Variants in CENPP observed in about 807,000 individuals in gnomAD.
CENPP encodes centromere protein P.
A neutral mutation model predicts 35.6 loss-of-function variants in CENPP; 24 were observed. The ratio of observed to expected loss-of-function variants is 0.67; its 90% CI spans 0.49 to 0.95. The LOEUF (loss-of-function observed/expected upper bound fraction) is 0.95. Ranked by LOEUF, CENPP falls within the 40% of genes least tolerant of loss-of-function variation. CENPP has a pLI of 0.00. For synonymous variants in CENPP, 120 were observed against 125.5 expected (o/e 0.96, Z 0.29); for missense variants, 332 against 345.3 (o/e 0.96, Z 0.31).
chr9:92,582,844 G>A (rs865877320), intron 5 of CENPP, among the ~76,000 whole-genome samples: 1 of 152,026 alleles, frequency 6.6e-6, no homozygotes, highest in Non-Finnish European at 1.5e-5. Flanking sequence ...GACTCCCTAG[G>A]GCCTGGGAAG....
chr9:92,414,523 ATTAG>A (rs1315265244), intron 5 of CENPP: 2 of 209,666 alleles, frequency 9.5e-6, no homozygotes, highest in African/African-American at 4.5e-5. Context: ...AGGCAAAAAG[ATTAG>A]TTAATTTTGT....
At chr9:92,481,362 C>G (rs1422339701) in intron 5 of CENPP, among the ~76,000 whole-genome samples, 1 of 151,932 alleles carries the variant, frequency 6.6e-6, no homozygotes, top group Non-Finnish European at 1.5e-5. Context: ...TTTTTCATTT[C>G]TTTCTTTTAA....
chr9:92,491,132 G>A (rs962496454), intron 5 of CENPP, among the ~76,000 whole-genome samples: 1 of 152,178 alleles, frequency 6.6e-6, no homozygotes, highest in Non-Finnish European at 1.5e-5. Flanking sequence ...AAGCTATACC[G>A]CTCAACCCAG....
intron 5 of CENPP, among the ~76,000 whole-genome samples, chr9:92,465,791 G>T (rs1845282105): frequency 6.6e-6 from 1 of 151,330 alleles, no homozygotes; most frequent in African/African-American, 2.4e-5. Flanking sequence ...TTTTATTAGG[G>T]TCTGGTCAGA....
chr9:92,538,016 C>G (rs940413987), intron 5 of CENPP, among the ~76,000 whole-genome samples: 2 of 151,994 alleles, frequency 1.3e-5, no homozygotes, highest in African/African-American at 2.4e-5. Context: ...GTAGGGAAAA[C>G]AGAAACTCTC....
intron 5 of CENPP, among the ~76,000 whole-genome samples, chr9:92,399,821 G>T (rs1355319313): frequency 6.6e-6 from 1 of 152,008 alleles, no homozygotes; most frequent in Non-Finnish European, 1.5e-5. Context: ...GTGTATTTTT[G>T]TCTGTTTCTG....
At position 92,620,217 on chromosome 9, in the gene CENPP, C is replaced by T. The variant is rs148786527; in HGVS notation, c.*7068C>T. ...GCAAGGCAGGGACTCAAACCCGGTACGCTGGCTCTGACATTTACACTCTTC... is the reference window on the plus strand; with the variant it reads ...GCAAGGCAGGGACTCAAACCCGGTATGCTGGCTCTGACATTTACACTCTTC... On this transcript the variant is annotated 3_prime_UTR_variant, in exon 8 of 8. Coordinates refer to ENST00000375587, the MANE Select transcript of CENPP (RefSeq NM_001012267.3). 14 of 156,114 alleles carry T rather than the reference C, an allele frequency of 9.0e-5. No individual in the cohort carries two copies. The highest frequency in any genetic ancestry group is 1.9e-4 in the East Asian group (1 of 5,318). The allele number at this position is 156,114 out of a possible 1,614,324, so 9.7% of individuals were successfully genotyped here.
At chr9:92,515,545 T>C (rs1043350739) in intron 5 of CENPP, among the ~76,000 whole-genome samples, 1 of 152,158 alleles carries the variant, frequency 6.6e-6, no homozygotes, top group African/African-American at 2.4e-5. Flanking sequence ...TGTTGTGAGA[T>C]TGTGTTATAA....
chr9:92,505,190 C>T (rs144091744), intron 5 of CENPP, among the ~76,000 whole-genome samples: 9 of 152,250 alleles, frequency 5.9e-5, no homozygotes, highest in African/African-American at 9.6e-5. Flanking sequence ...CTGTGATAAG[C>T]GTCACATTTC....
chr9:92,413,686 C>A (rs184032866), intron 5 of CENPP, among the ~76,000 whole-genome samples: 2 of 152,054 alleles, frequency 1.3e-5, no homozygotes, highest in South Asian at 4.1e-4. Flanking sequence ...CATAGTTGCA[C>A]ATTGTACTTT....
chr9:92,407,083 A>G (rs1442497700), intron 5 of CENPP, among the ~76,000 whole-genome samples: 1 of 152,168 alleles, frequency 6.6e-6, no homozygotes, highest in Non-Finnish European at 1.5e-5. Context: ...CCAGACTTGA[A>G]ACTTCCATTG....
chr9:92,594,948 G>A (rs1022443812), intron 5 of CENPP, among the ~76,000 whole-genome samples: 2 of 141,298 alleles, frequency 1.4e-5, no homozygotes, highest in African/African-American at 2.6e-5. Flanking sequence ...CCAGGCTGGA[G>A]TGCAGTGACG....
chr9:92,440,713 T>G (rs1218020365), intron 5 of CENPP, among the ~76,000 whole-genome samples: 1 of 152,146 alleles, frequency 6.6e-6, no homozygotes, highest in East Asian at 1.9e-4. Flanking sequence ...TTATAAGTAT[T>G]TAGTTAAGAG....
rs939073981 is a variant in CENPP at position 92,613,095 on chromosome 9, C to T, written c.813C>T (p.Ile271=). The T allele has an allele frequency of 6.2e-6, 10 of 1,614,180 alleles. No individual in the cohort carries two copies. Among genetic ancestry groups the T allele is most frequent in the African/African-American group, 2.7e-5 (2 of 75,048 alleles). ...SFRTLVGLLG[I]EAALESLIKS... ...GAACCCTGGTAGGACTGCTTGGAAT[C>T]GAAGCTGCTCTGGAAAGCCTGATAA... Residue 271 remains isoleucine, a synonymous_variant, in exon 8 of 8, where the codon ATC becomes ATT. Transcript: ENST00000375587.
chr9:92,607,333 A>C (rs1851109496), intron 5 of CENPP, among the ~76,000 whole-genome samples: 2 of 152,206 alleles, frequency 1.3e-5, no homozygotes, highest in African/African-American at 4.8e-5. Context: ...AGTGTCTTTC[A>C]AAACAGAAAA....
intron 5 of CENPP, among the ~76,000 whole-genome samples, chr9:92,427,547 C>G (rs1843998753): frequency 6.6e-6 from 1 of 152,138 alleles, no homozygotes; most frequent in Non-Finnish European, 1.5e-5. Flanking sequence ...GTGGTGTGAT[C>G]TTGGCCCACT....
At chr9:92,466,290 C>T (rs929488866) in intron 5 of CENPP, 30 of 1,035,434 alleles carry the variant, frequency 2.9e-5, no homozygotes, top group Admixed American at 1.5e-4. Context: ...TTAATAGTGA[C>T]GATAAAGTGT....
At chr9:92,604,590 T>C (rs181442174) in intron 5 of CENPP, among the ~76,000 whole-genome samples, 3 of 152,326 alleles carry the variant, frequency 2.0e-5, no homozygotes, top group Admixed American at 6.5e-5. Context: ...CTTTTTTATT[T>C]AGTTAGTTTT....
chr9:92,487,628 C>G (rs929097188), intron 5 of CENPP, among the ~76,000 whole-genome samples: 2 of 152,132 alleles, frequency 1.3e-5, no homozygotes, highest in African/African-American at 4.8e-5. Context: ...ACAATTAAGT[C>G]AGCATCAGCA....
Sources: gnomAD v4.1 joint callset for allele counts (sites outside exome capture counted in the v4.1 genomes callset) on GRCh38, gnomAD v4.1.1 for gene constraint, MANE v1.5 for transcripts, NCBI Gene and HGNC (gene_info 2026-07-23, HGNC 2026-07-21) for gene names.